SEC14L5: variants seen among roughly 807,000 people sequenced by gnomAD.
The protein encoded by SEC14L5 is SEC14-like protein 5.
A neutral mutation model predicts 84.6 loss-of-function variants in SEC14L5; 96 were observed. The ratio of observed to expected loss-of-function variants is 1.13; its 90% confidence interval spans 0.96 to 1.34. SEC14L5 has a LOEUF of 1.34. Ranked by LOEUF, SEC14L5 falls within the 40% of genes most tolerant of loss-of-function variation. The probability of loss-of-function intolerance (pLI) is 0.00; values close to 1 mark genes in which losing one functional copy is unlikely to be tolerated. For missense variants in SEC14L5, 1,224 were observed against 942.5 expected (o/e 1.30, Z -3.91); for synonymous variants, 546 against 383.4 (o/e 1.42, Z -4.95).
In SEC14L5 at chr16:5,017,457, A is replaced by G. The variant is rs1955888414; in HGVS notation, c.*2487A>G. ...CTGCATCTCTTTGCATGCTGACCTC[A>G]TTCTTTCTTCCACCTGGCGGGAAAG... On this transcript the variant is annotated 3_prime_UTR_variant, in exon 16 of 16. Transcript: ENST00000251170. 6.6e-6 allele frequency: 1 copy of G among 152,268 alleles called. No individual in the cohort carries two copies. The highest frequency in any genetic ancestry group is 2.1e-4 in the South Asian group (1 of 4,836). 9.4% of individuals were successfully genotyped at this position (152,268 alleles called of 1,614,324 possible).
At chr16:4,961,141 C>A (rs564248189) in intron 2 of SEC14L5, among the ~76,000 whole-genome samples, 2 of 150,718 alleles carry the variant, frequency 1.3e-5, no homozygotes, top group East Asian at 2.1e-4. Flanking sequence ...GGCGTGGTGG[C>A]GCGCACCTGT....
intron 5 of SEC14L5, 76 bp downstream of exon 5, chr16:4,990,971 G>A (rs947992874): frequency 6.5e-6 from 8 of 1,227,238 alleles, no homozygotes; most frequent in East Asian, 3.1e-5. Context: ...CATGACCCCT[G>A]GCAAGACCCT....
At chr16:4,989,560 T>C (rs963110830) in intron 4 of SEC14L5, among the ~76,000 whole-genome samples, 1 of 152,174 alleles carries the variant, frequency 6.6e-6, no homozygotes, top group Non-Finnish European at 1.5e-5. Flanking sequence ...TTGGCCAGGC[T>C]ATTCTCAAAC....
chr16:4,994,089 C>A (rs761548602), intron 6 of SEC14L5, among the ~76,000 whole-genome samples: 1 of 151,360 alleles, frequency 6.6e-6, no homozygotes, highest in Non-Finnish European at 1.5e-5. Flanking sequence ...AGCCTTTTGT[C>A]ACAGTTCAAG....
chr16:5,007,344 A>G lies in SEC14L5; in HGVS notation c.1438-8A>G. On this transcript the variant is annotated splice_polypyrimidine_tract_variant and splice_region_variant and intron_variant, in intron 12 of 15. Transcript: ENST00000251170. The stretch of plus-strand genomic sequence containing the variant: ...CCTGACCTGCTGCCCTTTATCTCTG[A>G]CCTGCAGTGTAATGTCCCCGAAGGA... 2.5e-6 allele frequency: 4 copies of G among 1,613,306 alleles called. No individual in the cohort carries two copies. Among genetic ancestry groups the G allele is most frequent in the Non-Finnish European group, 3.4e-6 (4 of 1,179,554 alleles).
At chr16:4,989,158 C>T (rs576576902) in intron 4 of SEC14L5, among the ~76,000 whole-genome samples, 1 of 152,334 alleles carries the variant, frequency 6.6e-6, no homozygotes, top group East Asian at 1.9e-4. Context: ...ACTGATGGGA[C>T]CCAGCTCTGC....
At chr16:4,973,781 C>G (rs758488997) in intron 2 of SEC14L5, among the ~76,000 whole-genome samples, 21 of 149,650 alleles carry the variant, frequency 1.4e-4, no homozygotes, top group Middle Eastern at 7.0e-3. Flanking sequence ...CTCCCGGGTT[C>G]AAACGACTGT....
chr16:5,013,274 A>G (rs1290984077), intron 15 of SEC14L5, among the ~76,000 whole-genome samples: 2 of 152,210 alleles, frequency 1.3e-5, no homozygotes, highest in Admixed American at 1.3e-4. Flanking sequence ...TTGCCAGAGC[A>G]CAGGACGGGC....
chr16:4,964,715 C>T (rs892772089), intron 2 of SEC14L5, among the ~76,000 whole-genome samples: 5 of 152,024 alleles, frequency 3.3e-5, no homozygotes, highest in African/African-American at 7.2e-5. Flanking sequence ...GGATTACAGG[C>T]GTGAGCCACT....
intron 11 of SEC14L5, among the ~76,000 whole-genome samples, chr16:5,004,374 T>C (rs1955708907): frequency 6.6e-6 from 1 of 151,566 alleles, no homozygotes; most frequent in South Asian, 2.1e-4. Context: ...CTGTTTGGGG[T>C]GGTTTTGGGA....
chr16:4,988,707 A>C (rs1955521948), intron 4 of SEC14L5, among the ~76,000 whole-genome samples: 1 of 152,178 alleles, frequency 6.6e-6, no homozygotes, highest in Non-Finnish European at 1.5e-5. Flanking sequence ...TGGCGCCTTT[A>C]GACCAGTGCC....
intron 4 of SEC14L5, 40 bp downstream of exon 4, chr16:4,988,320 A>C (rs778308511): frequency 5.0e-6 from 8 of 1,603,054 alleles, no homozygotes; most frequent in Non-Finnish European, 6.8e-6. Context: ...CCCGGCACCC[A>C]CCTGCGCCCG....
intron 2 of SEC14L5, among the ~76,000 whole-genome samples, chr16:4,960,152 T>C (rs1466856796): frequency 6.6e-6 from 1 of 152,182 alleles, no homozygotes; most frequent in Non-Finnish European, 1.5e-5. Context: ...CATAGGTGGA[T>C]GTGGAATTCC....
intron 2 of SEC14L5, among the ~76,000 whole-genome samples, chr16:4,981,712 G>T (rs562840423): frequency 3.7e-4 from 57 of 152,284 alleles, no homozygotes; most frequent in African/African-American, 1.3e-3. Context: ...TCACCATCCC[G>T]TGCTGTGTGA....
rs762109015 is a variant in SEC14L5 at position 5,000,887 on chromosome 16, G to A, written c.1092G>A (p.Arg364=). The change falls in exon 10 of 16, where the codon CGG becomes CGA. Residue 364 remains arginine (R), a synonymous_variant. Coordinates refer to ENST00000251170, the MANE Select transcript of SEC14L5 (RefSeq NM_014692.2). ...CCGTCAACGAGGAAGGACAGAAGCG[G>A]TGTGAGGGGAGCACAAGGCAGCTGG... ...VLSVNEEGQK[R]CEGSTRQLGR... is the part of the protein sequence containing the mutation. 6.2e-7 allele frequency: 1 copy of A among 1,609,258 alleles called. No individual in the cohort carries two copies. The highest frequency in any genetic ancestry group is 8.5e-7 in the Non-Finnish European group (1 of 1,177,896).
chr16:5,009,636 C>T (rs1378487253), intron 14 of SEC14L5, among the ~76,000 whole-genome samples: 1 of 152,044 alleles, frequency 6.6e-6, no homozygotes, highest in South Asian at 2.1e-4. Flanking sequence ...ACCCTAAATC[C>T]TTAACCACAA....
At chr16:5,012,714 A>G (rs1596648163) in intron 15 of SEC14L5, among the ~76,000 whole-genome samples, 1 of 152,190 alleles carries the variant, frequency 6.6e-6, no homozygotes, top group African/African-American at 2.4e-5. Context: ...AGACCAGCCT[A>G]GCCAACATGG....
intron 8 of SEC14L5, among the ~76,000 whole-genome samples, chr16:4,997,958 A>G (rs914203575): frequency 2.0e-5 from 3 of 150,310 alleles, no homozygotes; most frequent in South Asian, 2.1e-4. Flanking sequence ...TTTTATCTTG[A>G]GATCCTTAAC....
chr16:4,985,517 C>T (rs561893374), intron 2 of SEC14L5, among the ~76,000 whole-genome samples: 5 of 152,308 alleles, frequency 3.3e-5, no homozygotes, highest in Admixed American at 2.6e-4. Context: ...CGTGAGCCAC[C>T]GCGCCCGGCT....
Sources: gnomAD v4.1 joint callset for allele counts (sites outside exome capture counted in the v4.1 genomes callset) on GRCh38, gnomAD v4.1.1 for gene constraint, MANE v1.5 for transcripts, NCBI Gene and HGNC (gene_info 2026-07-23, HGNC 2026-07-21) for gene names.